Variants in ZNF521 observed in about 807,000 individuals in gnomAD.
The protein encoded by ZNF521 is zinc finger protein 521, also known as LYST-interacting protein 3.
In ZNF521, 14 loss-of-function variants were observed where a neutral mutation model predicts 105.5. The ratio of observed to expected loss-of-function variants is 0.13; its 90% CI spans 0.09 to 0.21. ZNF521 has a LOEUF of 0.21. Among genes scored for constraint, ZNF521 ranks in the 10% least tolerant of loss-of-function variants. The pLI, the probability that ZNF521 is intolerant of heterozygous loss-of-function variation, is 1.00. For synonymous variants in ZNF521, 635 were observed against 606.0 expected (o/e 1.05, Z -0.70); for missense variants, 1,233 against 1,629.7 (o/e 0.76, Z 4.19).
chr18:25,167,182 G>A (rs1043405965), intron 5 of ZNF521, among the ~76,000 whole-genome samples: 1 of 152,144 alleles, frequency 6.6e-6, no homozygotes, highest in Non-Finnish European at 1.5e-5. Context: ...TGCCATGAAA[G>A]TTCACCTGGA....
intron 3 of ZNF521, among the ~76,000 whole-genome samples, chr18:25,246,836 C>A (rs1186969615): frequency 6.6e-6 from 1 of 152,172 alleles, no homozygotes; most frequent in Non-Finnish European, 1.5e-5. Context: ...ATAGTCTTTA[C>A]TTGGGCTGTG....
At chr18:25,186,570 C>A (rs1431254986) in intron 5 of ZNF521, among the ~76,000 whole-genome samples, 4 of 152,130 alleles carry the variant, frequency 2.6e-5, no homozygotes, top group African/African-American at 9.7e-5. Context: ...TTACTCTTTA[C>A]AAAGTCTGAT....
At position 25,062,152 on chromosome 18, in the gene ZNF521, G is replaced by C. The variant is rs1466895946; in HGVS notation, c.*560C>G. ...ACATAACAACTATTGCATATATAGT[G>C]ATGCTACCTGTCACATTGCAAGGCT... On this transcript the variant is annotated 3_prime_UTR_variant, in exon 8 of 8. Coordinates refer to ENST00000361524, the MANE Select transcript of ZNF521 (RefSeq NM_015461.3). 1 of 203,684 alleles carries C rather than the reference G, an allele frequency of 4.9e-6. No individual in the cohort carries two copies. Among genetic ancestry groups the C allele is most frequent in the African/African-American group, 2.3e-5 (1 of 43,704 alleles). 12.6% of individuals were successfully genotyped at this position (203,684 alleles called of 1,614,324 possible).
chr18:25,223,875 C>T (rs561723397), intron 4 of ZNF521, among the ~76,000 whole-genome samples: 11 of 152,190 alleles, frequency 7.2e-5, no homozygotes, highest in African/African-American at 2.6e-4. Context: ...TGAGTGTTGA[C>T]AACATGGCAT....
chr18:25,148,442 T>C (rs541187827), intron 5 of ZNF521, among the ~76,000 whole-genome samples: 3 of 152,320 alleles, frequency 2.0e-5, no homozygotes, highest in Non-Finnish European at 4.4e-5. Flanking sequence ...CATTGAGTTT[T>C]AAAAAAATTA....
chr18:25,313,442 T>G (rs572932266), intron 3 of ZNF521, among the ~76,000 whole-genome samples: 164 of 151,798 alleles, frequency 1.1e-3, no homozygotes, highest in Non-Finnish European at 1.6e-3. Context: ...ACCTACCATA[T>G]GAAAGGGAAA....
chr18:25,256,602 C>T (rs1157530632), intron 3 of ZNF521, among the ~76,000 whole-genome samples: 1 of 151,986 alleles, frequency 6.6e-6, no homozygotes, highest in East Asian at 1.9e-4. Context: ...TGACTCTACG[C>T]TCAAGACTTT....
intron 5 of ZNF521, among the ~76,000 whole-genome samples, chr18:25,181,333 G>A (rs545365778): frequency 6.6e-6 from 1 of 152,274 alleles, no homozygotes; most frequent in South Asian, 2.1e-4. Context: ...CAGACAGCCT[G>A]ATAGAACTCA....
chr18:25,342,415 T>TTGTTTG (rs1914249431), intron 2 of ZNF521, among the ~76,000 whole-genome samples: 2 of 81,726 alleles, frequency 2.4e-5, no homozygotes, highest in African/African-American at 9.1e-5. Flanking sequence ...TTTGTTTTTT[T>TTGTTTG]TTTGTTTGTT....
chr18:25,304,014 T>C (rs887753864), intron 3 of ZNF521, among the ~76,000 whole-genome samples: 28 of 152,200 alleles, frequency 1.8e-4, no homozygotes, highest in African/African-American at 6.3e-4. Context: ...TCAATCACCA[T>C]GAAAATACAA....
chr18:25,098,620 G>A (rs2033902538), intron 5 of ZNF521, among the ~76,000 whole-genome samples: 1 of 152,136 alleles, frequency 6.6e-6, no homozygotes. Flanking sequence ...GGACGGGAGT[G>A]AGGACTGAGA....
chr18:25,227,128 G>C lies in ZNF521; in HGVS notation c.790C>G (p.His264Asp). ...GFDFPEDLQK[H>D]IAECHPECSP... ...CATTCGGGGTGGCACTCTGCAATGT[G>C]TTTTTGGAGGTCTTCCGGGAAGTCA... The change falls in exon 4 of 8, where the codon CAC becomes GAC. Residue 264 changes from histidine to aspartate, a missense_variant. This residue lies in a region of ZNF521 where 380 missense variants were observed against 478.0 expected (regional missense o/e 0.80). Coordinates refer to ENST00000361524, the MANE Select transcript of ZNF521 (RefSeq NM_015461.3). The surrounding 1 kb of genome is among the most constrained non-coding windows in gnomAD (Gnocchi z 5.7). 6.2e-7 allele frequency: 1 copy of C among 1,614,156 alleles called. No homozygotes were observed. Among genetic ancestry groups the C allele is most frequent in the Non-Finnish European group, 8.5e-7 (1 of 1,180,012 alleles).
chr18:25,261,627 T>C (rs1908914721), intron 3 of ZNF521, among the ~76,000 whole-genome samples: 1 of 152,138 alleles, frequency 6.6e-6, no homozygotes, highest in Admixed American at 6.6e-5. Flanking sequence ...TCTCTCTCCC[T>C]TCTCTCCTCT....
At chr18:25,295,816 G>C (rs890844128) in intron 3 of ZNF521, among the ~76,000 whole-genome samples, 4 of 152,146 alleles carry the variant, frequency 2.6e-5, no homozygotes, top group African/African-American at 9.7e-5. Context: ...AGGGTATGGA[G>C]ATATGAAATT....
chr18:25,103,530 A>C (rs1331962071), intron 5 of ZNF521, among the ~76,000 whole-genome samples: 1 of 152,138 alleles, frequency 6.6e-6, no homozygotes, highest in Non-Finnish European at 1.5e-5. Flanking sequence ...ACATAACCCC[A>C]TACTTACGTA....
At chr18:25,330,267 G>C (rs1391191757) in intron 2 of ZNF521, among the ~76,000 whole-genome samples, 2 of 151,992 alleles carry the variant, frequency 1.3e-5, no homozygotes, top group African/African-American at 4.8e-5. Flanking sequence ...AGGTTCAAAC[G>C]ATTCTCCTGC....
chr18:25,126,570 A>T (rs148526255), intron 5 of ZNF521, among the ~76,000 whole-genome samples: 23 of 152,106 alleles, frequency 1.5e-4, no homozygotes, highest in Non-Finnish European at 3.2e-4. Flanking sequence ...AAGTAAAGTC[A>T]CTCATGAATA....
intron 5 of ZNF521, 115 bp from the exon 6 acceptor site, chr18:25,092,196 G>A (rs2033761542): frequency 1.2e-5 from 14 of 1,155,142 alleles, no homozygotes; most frequent in South Asian, 1.1e-4. Flanking sequence ...ATATACATAT[G>A]TAGTATTATA....
intron 5 of ZNF521, among the ~76,000 whole-genome samples, chr18:25,167,177 T>C (rs762877771): frequency 1.6e-4 from 24 of 152,288 alleles, no homozygotes; most frequent in Non-Finnish European, 2.8e-4. Flanking sequence ...TATGGTGCCA[T>C]GAAAGTTCAC....
Sources: allele counts gnomAD v4.1 joint callset (sites outside exome capture counted in the v4.1 genomes callset), GRCh38; gene constraint gnomAD v4.1.1; regional missense constraint gnomAD v4.1.1; non-coding constraint Gnocchi (gnomAD v3.1); transcripts MANE v1.5; gene names NCBI Gene and HGNC (gene_info 2026-07-23, HGNC 2026-07-21).